P3H2: variants seen among roughly 807,000 people sequenced by gnomAD.
P3H2 encodes the protein leprecan-like 1.
Under a neutral mutation model 87.0 loss-of-function variants are expected in P3H2, and 80 were observed. The ratio of observed to expected loss-of-function variants is 0.92; its 90% CI spans 0.77 to 1.11. The LOEUF (loss-of-function observed/expected upper bound fraction) is 1.11. P3H2 is among the 50% of genes least tolerant of loss of function. The pLI is 0.00. For missense variants in P3H2, 1,001 were observed against 923.9 expected (o/e 1.08, Z -1.08); for synonymous variants, 367 against 359.3 (o/e 1.02, Z -0.24).
At chr3:189,980,123 G>GAGCT (rs1723485075) in intron 8 of P3H2, among the ~76,000 whole-genome samples, 1 of 152,192 alleles carries the variant, frequency 6.6e-6, no homozygotes, top group African/African-American at 2.4e-5. Flanking sequence ...TAATGCTTAG[G>GAGCT]AGCTGTCCAG....
chr3:189,973,065 T>C lies in P3H2; in HGVS notation c.1549-41A>G, dbSNP rs568435353. 21 of 1,593,402 alleles carry C rather than the reference T, an allele frequency of 1.3e-5. No homozygotes were observed. In the East Asian group the frequency reaches 2.7e-4, roughly 21 times the overall value. ...AAAACATGAGAAACAAATGGGTTCA[T>C]TGGAGGTCGTAAGAAAAACAGGCAC... On this transcript the variant is annotated intron_variant, in intron 10 of 14. Transcript: ENST00000319332.
intron 13 of P3H2, chr3:189,969,662 A>G (rs1417977195): frequency 2.5e-6 from 3 of 1,220,876 alleles, no homozygotes; most frequent in Non-Finnish European, 3.7e-6. Flanking sequence ...GGAAGCCAGG[A>G]TGGTGTGCTG....
chr3:190,100,259 C>A (rs779714262), intron 1 of P3H2, among the ~76,000 whole-genome samples: 8,013 of 141,564 alleles, frequency 0.057, 374 homozygotes, highest in African/African-American at 0.1. Context: ...CGCCCCCCCC[C>A]CCAAAAAAAA....
chr3:190,064,214 C>T (rs1307449801), intron 1 of P3H2, among the ~76,000 whole-genome samples: 1 of 151,168 alleles, frequency 6.6e-6, no homozygotes, highest in Non-Finnish European at 1.5e-5. Flanking sequence ...CCAGGGTGAA[C>T]TCCTGTTGCT....
intron 7 of P3H2, among the ~76,000 whole-genome samples, chr3:189,983,767 G>A (rs1723608188): frequency 6.6e-6 from 1 of 152,136 alleles, no homozygotes; most frequent in Non-Finnish European, 1.5e-5. Flanking sequence ...CCTTTGTGAT[G>A]AGACTCTAAG....
At chr3:190,121,526 T>TC (rs1560027753), upstream of P3H2, 2 of 151,746 alleles carry the variant, frequency 1.3e-5, no homozygotes, top group African/African-American at 4.8e-5. Flanking sequence ...TGGGGAAGGT[T>TC]TCTCCCTTAC....
At position 190,004,603 on chromosome 3, in the gene P3H2, C is replaced by T. The variant is rs368450069; in HGVS notation, c.481-9161G>A. On this transcript the variant is annotated intron_variant, in intron 1 of 14. Transcript: ENST00000319332. ...TTCACCGTCTTAGCCGGGATGGTCT[C>T]GATCTCCTGACCTTGTGATCCGCCC... is the stretch of plus-strand genomic sequence containing the variant. Among the ~76,000 whole-genome samples, 357 of 152,128 alleles carry T rather than the reference C, an allele frequency of 2.3e-3. 1 individual carries two copies. The highest frequency in any genetic ancestry group is 0.014 in the South Asian group (68 of 4,816).
intron 13 of P3H2, chr3:189,969,071 T>C: frequency 2.5e-6 from 1 of 405,174 alleles, no homozygotes. Context: ...CCATGGAGGG[T>C]TTTTGACCAT....
At chr3:190,071,975 A>AG in intron 1 of P3H2, among the ~76,000 whole-genome samples, 1 of 139,708 alleles carries the variant, frequency 7.2e-6, no homozygotes, top group Non-Finnish European at 1.5e-5. Context: ...AACAAGATGA[A>AG]GGGTTTTTTT....
intron 1 of P3H2, among the ~76,000 whole-genome samples, chr3:190,067,312 G>C (rs916174192): frequency 2.0e-5 from 3 of 152,034 alleles, no homozygotes; most frequent in African/African-American, 7.2e-5. Flanking sequence ...AGGAAGAAGT[G>C]GGAGGAATAT....
At chr3:189,997,547 A>T (rs1032799094) in intron 1 of P3H2, among the ~76,000 whole-genome samples, 1 of 152,222 alleles carries the variant, frequency 6.6e-6, no homozygotes, top group Non-Finnish European at 1.5e-5. Context: ...CAGTCCCTGC[A>T]GTCTTGTGAA....
At position 190,120,545 on chromosome 3, in the gene P3H2, C is replaced by G; in HGVS notation, c.187G>C (p.Ala63Pro). The G allele has an allele frequency of 6.6e-7, 1 of 1,516,232 alleles. No individual in the cohort carries two copies. Among genetic ancestry groups the G allele is most frequent in the Non-Finnish European group, 8.8e-7 (1 of 1,141,442 alleles). The allele number at this position is 1,516,232 out of a possible 1,614,324, so 93.9% of individuals were successfully genotyped here. ...AAYYSGDYERAVRDLEAALRS... is the reference protein window; with the variant it reads ...AAYYSGDYERPVRDLEAALRS... ...AGCGCCGCTTCCAAGTCGCGCACCG[C>G]TCGCTCGTAGTCTCCGCTGTAGTAG... is the stretch of plus-strand genomic sequence containing the variant. The change falls in exon 1 of 15, where the codon GCG becomes CCG. Residue 63 changes from alanine (A) to proline (P), a missense_variant. By Grantham distance (27) the Ala-to-Pro change is conservative. Transcript: ENST00000319332.
chr3:190,077,266 A>G (rs1726901880), intron 1 of P3H2, among the ~76,000 whole-genome samples: 1 of 152,192 alleles, frequency 6.6e-6, no homozygotes, highest in Non-Finnish European at 1.5e-5. Context: ...CTGCCTAGTC[A>G]TCTGTAGCAA....
intron 1 of P3H2, among the ~76,000 whole-genome samples, chr3:190,030,452 G>A (rs965589380): frequency 6.6e-6 from 1 of 152,164 alleles, no homozygotes; most frequent in Non-Finnish European, 1.5e-5. Flanking sequence ...CAACCCTGGA[G>A]GCTGAGGTGG....
In P3H2 at chr3:189,994,110, C is replaced by T. The variant is rs986227759; in HGVS notation, c.807G>A (p.Leu269=). ...EYEYLGYKAG[L]YEAIADHYMQ... ...AGCTTTTACCTGCAATAGCTTCATA[C>T]AGACCAGCCTTATACCCTAAATACT... Residue 269 remains leucine, a synonymous_variant, in exon 3 of 15, where the codon CTG becomes CTA. Coordinates refer to ENST00000319332, the MANE Select transcript of P3H2 (RefSeq NM_018192.4). 61 of 1,612,442 alleles carry T rather than the reference C, an allele frequency of 3.8e-5. 1 individual carries two copies. Among genetic ancestry groups the T allele is most frequent in the South Asian group, 2.2e-4 (20 of 90,934 alleles).
intron 1 of P3H2, among the ~76,000 whole-genome samples, chr3:190,058,742 A>T (rs1247064981): frequency 6.6e-6 from 1 of 152,176 alleles, no homozygotes; most frequent in Non-Finnish European, 1.5e-5. Flanking sequence ...TACTGCTGTT[A>T]TTTTAACCCT....
intron 1 of P3H2, among the ~76,000 whole-genome samples, chr3:190,085,360 G>T (rs1227025219): frequency 6.6e-6 from 1 of 152,130 alleles, no homozygotes; most frequent in Non-Finnish European, 1.5e-5. Context: ...CATACTCAAA[G>T]GTAGCTTACC....
At chr3:190,085,729 G>A (rs1342625913) in intron 1 of P3H2, among the ~76,000 whole-genome samples, 2 of 151,762 alleles carry the variant, frequency 1.3e-5, no homozygotes, top group Non-Finnish European at 1.5e-5. Flanking sequence ...TGAGTTATTG[G>A]CATATTTAAT....
intron 1 of P3H2, among the ~76,000 whole-genome samples, chr3:190,102,171 G>GT (rs1560402125): frequency 6.6e-6 from 1 of 152,112 alleles, no homozygotes; most frequent in African/African-American, 2.4e-5. Context: ...GATTAACGTC[G>GT]TTTTCCTGCT....
Sources: allele counts gnomAD v4.1 joint callset (sites outside exome capture counted in the v4.1 genomes callset), GRCh38; gene constraint gnomAD v4.1.1; transcripts MANE v1.5; gene names NCBI Gene and HGNC (gene_info 2026-07-23, HGNC 2026-07-21).